Variants in DIP2C observed in about 807,000 individuals in gnomAD.
DIP2C encodes disco-interacting protein 2 homolog C.
A neutral mutation model predicts 192.4 loss-of-function variants in DIP2C; 33 were observed. The ratio of observed to expected loss-of-function variants is 0.17; its 90% CI spans 0.13 to 0.23. DIP2C has a LOEUF of 0.23. Ranked by LOEUF, DIP2C falls within the 10% of genes least tolerant of loss-of-function variation. The pLI, the probability that DIP2C is intolerant of heterozygous loss-of-function variation, is 1.00. For missense variants in DIP2C, 1,537 were observed against 2,110.1 expected (o/e 0.73, Z 5.32); for synonymous variants, 979 against 864.1 (o/e 1.13, Z -2.33).
At position 420,298 on chromosome 10, in the gene DIP2C, G is replaced by A. The variant is rs577720086; in HGVS notation, c.605-1099C>T. 3.3e-5 allele frequency among the ~76,000 whole-genome samples: 5 copies of A among 152,384 alleles called. No individual in the cohort carries two copies. The East Asian group carries it at 7.7e-4, about 23-fold the overall frequency. On this transcript the variant is annotated intron_variant, in intron 5 of 36. Coordinates refer to ENST00000280886, the MANE Select transcript of DIP2C (RefSeq NM_014974.3). Reference sequence around the variant, plus strand: ...TGCTTTGTGATCTGAGAATCGGGCCGGGTGGGCGGTGCCGAGCTGCCTGGA... The same window carrying A: ...TGCTTTGTGATCTGAGAATCGGGCCAGGTGGGCGGTGCCGAGCTGCCTGGA...
At position 376,947 on chromosome 10, in the gene DIP2C, T is replaced by A. The variant is rs191816908; in HGVS notation, c.1991+5700A>T. Among the ~76,000 whole-genome samples, 5 of 152,338 alleles carry A rather than the reference T, an allele frequency of 3.3e-5. No individual in the cohort carries two copies. In the East Asian group the frequency reaches 9.6e-4, roughly 29 times the overall value. ...TCAAAAACACAACAGATAAGTGAGA[T>A]TGCGATTTTTAATAGGAAAAGATAC... On this transcript the variant is annotated intron_variant, in intron 17 of 36. Transcript: ENST00000280886.
At chr10:656,679 G>A (rs1436688644) in intron 1 of DIP2C, among the ~76,000 whole-genome samples, 1 of 152,046 alleles carries the variant, frequency 6.6e-6, no homozygotes, top group East Asian at 1.9e-4. Flanking sequence ...AAGATCCTAC[G>A]AAACCAGCAT....
chr10:294,120 G>C (rs1955629300), intron 32 of DIP2C, among the ~76,000 whole-genome samples: 3 of 152,006 alleles, frequency 2.0e-5, no homozygotes, highest in Admixed American at 2.0e-4. Context: ...TCTCCCTCGG[G>C]TGGAAGAGAG....
chr10:297,241 T>TACAC (rs140637166), intron 32 of DIP2C, among the ~76,000 whole-genome samples: 10,202 of 115,514 alleles, frequency 0.088, 503 homozygotes, highest in Middle Eastern at 0.2. Context: ...CCCCACCACA[T>TACAC]ACACACACAC....
chr10:580,338 G>A (rs115277434), intron 1 of DIP2C, among the ~76,000 whole-genome samples: 1,583 of 152,202 alleles, frequency 0.01, 33 homozygotes, highest in African/African-American at 0.035. Context: ...TTCAGTGTGC[G>A]TAGTGTACAT....
chr10:443,171 A>C (rs1211489978), intron 3 of DIP2C, among the ~76,000 whole-genome samples: 3 of 152,184 alleles, frequency 2.0e-5, no homozygotes, highest in Non-Finnish European at 2.9e-5. Context: ...TTGGGAGGAG[A>C]GACTGTGACA....
chr10:314,597 C>T (rs1379647334), intron 31 of DIP2C, among the ~76,000 whole-genome samples: 1 of 152,238 alleles, frequency 6.6e-6, no homozygotes, highest in Non-Finnish European at 1.5e-5. Context: ...CCTGCCTCTC[C>T]TGCACATGGG....
intron 1 of DIP2C, among the ~76,000 whole-genome samples, chr10:644,418 G>A (rs921727908): frequency 1.3e-5 from 2 of 152,276 alleles, no homozygotes; most frequent in Non-Finnish European, 2.9e-5. Context: ...TAGTTGAGAC[G>A]TATTTTAGAG....
chr10:551,860 C>A (rs544462675), intron 1 of DIP2C, among the ~76,000 whole-genome samples: 16 of 152,350 alleles, frequency 1.1e-4, no homozygotes, highest in Non-Finnish European at 2.1e-4. Context: ...CTCCCCTAGG[C>A]CGCTCAATGT....
intron 1 of DIP2C, among the ~76,000 whole-genome samples, chr10:594,137 G>A (rs557050755): frequency 6.6e-6 from 1 of 152,228 alleles, no homozygotes; most frequent in Non-Finnish European, 1.5e-5. Flanking sequence ...TGAGTCACGT[G>A]AAGGTCCCGT....
chr10:493,639 G>A lies in DIP2C; in HGVS notation c.86-7109C>T, dbSNP rs75724370. The stretch of plus-strand genomic sequence containing the variant: ...TCTCACGCTCCACCCTCCGCTTCCC[G>A]ACAGACAGAGGGAGAGACCCCCTCA... On this transcript the variant is annotated intron_variant, in intron 1 of 36. Transcript: ENST00000280886. 4.7e-3 allele frequency among the ~76,000 whole-genome samples: 712 copies of A among 152,274 alleles called. 2 individuals carry two copies. The highest frequency in any genetic ancestry group is 6.5e-3 in the Non-Finnish European group (439 of 68,020).
At chr10:685,924 G>A (rs1326478624) in intron 1 of DIP2C, among the ~76,000 whole-genome samples, 1 of 147,686 alleles carries the variant, frequency 6.8e-6, no homozygotes, top group Non-Finnish European at 1.5e-5. Context: ...TCATACCACT[G>A]CACTCCAGCA....
chr10:587,483 G>A (rs921813942), intron 1 of DIP2C, among the ~76,000 whole-genome samples: 30 of 152,296 alleles, frequency 2.0e-4, no homozygotes, highest in African/African-American at 6.5e-4. Context: ...TTAATAAAAT[G>A]AAATAAAAAT....
chr10:580,500 TAA>T (rs1239796136), intron 1 of DIP2C, among the ~76,000 whole-genome samples: 1 of 152,230 alleles, frequency 6.6e-6, no homozygotes, highest in Non-Finnish European at 1.5e-5. Context: ...AGTGTGGATA[TAA>T]TAGTGCCCAT....
intron 17 of DIP2C, 96 bp downstream of exon 17, chr10:382,551 A>ACC (rs1962472466): frequency 1.1e-6 from 1 of 926,162 alleles, no homozygotes; most frequent in Non-Finnish European, 1.7e-6. Context: ...TTTCACCCTC[A>ACC]CCCTCAGCAT....
Position 542,729 on chromosome 10 carries a change from T to G in DIP2C, c.86-56199A>C, listed in dbSNP as rs112279810. ...TATACCACAGGTCATCAGATCCCAG[T>G]TCTTATCGGATTGGGGAGTGGGGGG... On this transcript the variant is annotated intron_variant, in intron 1 of 36. Transcript: ENST00000280886. Among the ~76,000 whole-genome samples the G allele has an allele frequency of 4.7e-4, 71 of 152,008 alleles. 1 individual carries two copies. Among genetic ancestry groups the G allele is most frequent in the African/African-American group, 1.6e-3 (65 of 41,424 alleles).
chr10:629,289 T>A (rs550668144), intron 1 of DIP2C, among the ~76,000 whole-genome samples: 5 of 152,064 alleles, frequency 3.3e-5, no homozygotes, highest in Non-Finnish European at 7.4e-5. Context: ...AGGACAAAAC[T>A]GCTCCAGAGC....
chr10:674,818 A>AGAGAGG (rs1564332856), intron 1 of DIP2C, among the ~76,000 whole-genome samples: 3 of 146,846 alleles, frequency 2.0e-5, no homozygotes, highest in Non-Finnish European at 3.0e-5. Context: ...AGAGAGAGAG[A>AGAGAGG]GAGAGAGAGA....
chr10:612,997 T>C (rs1853205525), intron 1 of DIP2C, among the ~76,000 whole-genome samples: 1 of 152,196 alleles, frequency 6.6e-6, no homozygotes, highest in Non-Finnish European at 1.5e-5. Context: ...TGATGAACGC[T>C]GACCACGTTC....
Sources: gnomAD v4.1 joint callset for allele counts (sites outside exome capture counted in the v4.1 genomes callset) on GRCh38, gnomAD v4.1.1 for gene constraint, MANE v1.5 for transcripts, NCBI Gene and HGNC (gene_info 2026-07-23, HGNC 2026-07-21) for gene names.